Variants in AFF2 observed in about 807,000 individuals in gnomAD.
AFF2 encodes the protein ALF transcription elongation factor 2, also known as AF4/FMR2 family member 2.
AFF2 carries 14 observed loss-of-function variants against 76.9 expected under a neutral mutation model. That is an observed-to-expected ratio of 0.18 (90% CI 0.12 to 0.28). AFF2 has a LOEUF of 0.28. Among genes scored for constraint, AFF2 ranks in the 10% least tolerant of loss-of-function variants. The pLI is 1.00. For synonymous variants in AFF2, 398 were observed against 366.7 expected, an observed-to-expected ratio of 1.09 and a Z score of -0.98; for missense variants, 868 against 1,001.1, an observed-to-expected ratio of 0.87 and a Z score of 1.79.
chrX:148,701,012 A>AGAGTGTGTG (rs782232655), intron 3 of AFF2, among the ~76,000 whole-genome samples: 5 of 73,742 alleles, frequency 6.8e-5, no homozygotes, highest in African/African-American at 2.3e-4. Context: ...GAGAGAGAGA[A>AGAGTGTGTG]TGTGTGTGTG....
chrX:148,731,386 A>G (rs988446339), intron 3 of AFF2, among the ~76,000 whole-genome samples: 5 of 111,874 alleles, frequency 4.5e-5, no homozygotes, highest in Admixed American at 2.9e-4. Context: ...TTCACTTTTT[A>G]TACTCCATCC....
At chrX:148,532,909 C>T (rs932872046) in intron 1 of AFF2, among the ~76,000 whole-genome samples, 1 of 111,883 alleles carries the variant, frequency 8.9e-6, no homozygotes, top group African/African-American at 3.3e-5. Context: ...TGTCTTCATA[C>T]TTTATCAAAC....
At chrX:148,909,545 A>G (rs2071447020) in intron 9 of AFF2, among the ~76,000 whole-genome samples, 1 of 112,049 alleles carries the variant, frequency 8.9e-6, no homozygotes, top group South Asian at 3.8e-4. Context: ...AGACTGTGAT[A>G]TACAGTAATT....
chrX:148,509,617 G>C, intron 1 of AFF2, among the ~76,000 whole-genome samples: 1 of 112,028 alleles, frequency 8.9e-6, no homozygotes, highest in Non-Finnish European at 1.9e-5. Flanking sequence ...TGGTACAATT[G>C]CTAGCAAAAT....
intron 1 of AFF2, among the ~76,000 whole-genome samples, chrX:148,638,953 T>C (rs1241892687): frequency 8.9e-6 from 1 of 112,181 alleles, no homozygotes; most frequent in Non-Finnish European, 1.9e-5. Context: ...GAACAGAATT[T>C]GAAAGCATTT....
intron 9 of AFF2, among the ~76,000 whole-genome samples, chrX:148,948,995 C>A (rs2071933274): frequency 6.3e-5 from 7 of 111,199 alleles, no homozygotes; most frequent in Non-Finnish European, 1.3e-4. Context: ...ATCTTCCTGA[C>A]TAGATCTCCA....
chrX:148,903,102 C>T (rs1194474574), intron 8 of AFF2, among the ~76,000 whole-genome samples: 1 of 110,553 alleles, frequency 9.0e-6, no homozygotes, highest in Non-Finnish European at 1.9e-5. Flanking sequence ...AGCCCTTACC[C>T]ACCTCCAAGA....
At chrX:148,890,275 A>T (rs781883953) in intron 8 of AFF2, among the ~76,000 whole-genome samples, 96 of 112,209 alleles carry the variant, frequency 8.6e-4, no homozygotes, top group Non-Finnish European at 1.6e-3. Flanking sequence ...AAGTTGTTTA[A>T]CATCTCTAAG....
intron 3 of AFF2, among the ~76,000 whole-genome samples, chrX:148,692,413 T>C (rs2054663558): frequency 8.9e-6 from 1 of 112,268 alleles, no homozygotes; most frequent in Admixed American, 9.4e-5. Context: ...ACTGGATGTA[T>C]TGGTCAGCAT....
chrX:148,557,641 C>A (rs2053065967), intron 1 of AFF2, among the ~76,000 whole-genome samples: 1 of 112,364 alleles, frequency 8.9e-6, no homozygotes, highest in Non-Finnish European at 1.9e-5. Context: ...CACCTCTCAA[C>A]ACTCTTGCAT....
chrX:148,641,743 C>T (rs1215573634), intron 1 of AFF2, among the ~76,000 whole-genome samples: 1 of 111,350 alleles, frequency 9.0e-6, no homozygotes, highest in Non-Finnish European at 1.9e-5. Flanking sequence ...AGTTTGTTGA[C>T]AATATTTGGC....
intron 1 of AFF2, among the ~76,000 whole-genome samples, chrX:148,551,250 T>A (rs781889498): frequency 1.2e-4 from 13 of 109,867 alleles, no homozygotes; most frequent in Non-Finnish European, 1.3e-4. Context: ...AATGGCCTGG[T>A]TGAAGTTTAC....
In AFF2 at chrX:148,571,909, G is replaced by C. The variant is rs34632764; in HGVS notation, c.47+70765G>C. ...TATGAGAAAAAAGATTATTCAGCCT[G>C]AGGCATTAGCAACTATTTTGATTAA... On this transcript the variant is annotated intron_variant, in intron 1 of 20. Coordinates refer to ENST00000370460, the MANE Select transcript of AFF2 (RefSeq NM_002025.4). Among the ~76,000 whole-genome samples, 1,011 of 111,139 alleles carry C rather than the reference G, an allele frequency of 9.1e-3. 10 individuals are homozygous for C. Among genetic ancestry groups the C allele is most frequent in the Non-Finnish European group, 0.015 (795 of 52,931 alleles).
chrX:148,612,798 A>T (rs191367471), intron 1 of AFF2, among the ~76,000 whole-genome samples: 33 of 111,981 alleles, frequency 2.9e-4, no homozygotes, highest in African/African-American at 1.1e-3. Flanking sequence ...TGCTTTTGAG[A>T]CCTTGGAGAA....
At chrX:148,920,215 A>G (rs1557283043) in intron 9 of AFF2, among the ~76,000 whole-genome samples, 1 of 111,652 alleles carries the variant, frequency 9.0e-6, no homozygotes. Flanking sequence ...TTTTAGTGGT[A>G]TAGATGACTG....
intron 3 of AFF2, among the ~76,000 whole-genome samples, chrX:148,697,306 C>A (rs1466835203): frequency 8.9e-6 from 1 of 112,438 alleles, no homozygotes; most frequent in African/African-American, 3.2e-5. Context: ...TGTTGTGATA[C>A]CCCATTTAAA....
At chrX:148,548,145 C>G (rs781800221) in intron 1 of AFF2, among the ~76,000 whole-genome samples, 3 of 112,498 alleles carry the variant, frequency 2.7e-5, no homozygotes, top group Non-Finnish European at 5.6e-5. Flanking sequence ...CTGTGTCACA[C>G]TTTTGGCCAG....
chrX:148,987,508 G>C lies in AFF2; in HGVS notation c.3765G>C (p.Arg1255=). The C allele has an allele frequency of 8.3e-7, 1 of 1,211,492 alleles. No homozygotes were observed. The highest frequency in any genetic ancestry group is 1.1e-6 in the Non-Finnish European group (1 of 895,284). The change falls in exon 20 of 21, where the codon CGG becomes CGC. Residue 1255 remains arginine, a synonymous_variant. Transcript: ENST00000370460. ...TCAACATCACTAGCAATGTGTTACGGGGCTATGAACACTGGGATATGGCCG... is the reference window on the plus strand; with the variant it reads ...TCAACATCACTAGCAATGTGTTACGCGGCTATGAACACTGGGATATGGCCG... ...SHVNITSNVL[R]GYEHWDMADK...
Position 148,581,902 on chromosome X carries a change from A to T in AFF2, c.48-70097A>T, listed in dbSNP as rs199733098. 1.5e-4 allele frequency among the ~76,000 whole-genome samples: 17 copies of T among 112,112 alleles called. No homozygotes were observed. In the East Asian group the frequency reaches 4.2e-3, roughly 28 times the overall value. ...TCAGATTTTGCCAATCGTTCCAATA[A>T]TGTCCTTTAGAGCAAAAGAAAATCC... On this transcript the variant is annotated intron_variant, in intron 1 of 20. Coordinates refer to ENST00000370460, the MANE Select transcript of AFF2 (RefSeq NM_002025.4).
Sources: allele counts gnomAD v4.1 joint callset (sites outside exome capture counted in the v4.1 genomes callset), GRCh38; gene constraint gnomAD v4.1.1; transcripts MANE v1.5; gene names NCBI Gene and HGNC (gene_info 2026-07-23, HGNC 2026-07-21).